The following TYR variants were observed in gnomAD, a reference collection of about 807,000 sequenced individuals.
TYR encodes the protein LB24-AB.
Under a neutral mutation model 51.5 loss-of-function variants are expected in TYR, and 58 were observed. That is an observed-to-expected ratio of 1.13 (90% CI 0.91 to 1.40). The LOEUF (loss-of-function observed/expected upper bound fraction) is 1.40. TYR is among the 40% of genes most tolerant of loss of function. The probability of loss-of-function intolerance (pLI) is 0.00; values close to 1 mark genes in which losing one functional copy is unlikely to be tolerated. For missense variants in TYR, 732 were observed against 647.4 expected, an observed-to-expected ratio of 1.13 and a Z score of -1.42; for synonymous variants, 263 against 235.2, an observed-to-expected ratio of 1.12 and a Z score of -1.08.
chr11:89,254,355 G>A (rs1304924717), intron 3 of TYR, among the ~76,000 whole-genome samples: 1 of 151,558 alleles, frequency 6.6e-6, no homozygotes, highest in Non-Finnish European at 1.5e-5. Context: ...AATGATTTAG[G>A]GAGAATTCAC....
intron 4 of TYR, among the ~76,000 whole-genome samples, chr11:89,286,991 A>G (rs1446499727): frequency 1.3e-5 from 2 of 151,832 alleles, no homozygotes; most frequent in African/African-American, 4.8e-5. Context: ...TAAATATGCT[A>G]TTGTTTCTGC....
chr11:89,250,236 A>G (rs774196800), intron 3 of TYR, among the ~76,000 whole-genome samples: 4 of 152,064 alleles, frequency 2.6e-5, no homozygotes, highest in East Asian at 1.9e-4. Context: ...TCTGCTTGAT[A>G]TTACACAAGG....
chr11:89,267,196 T>C (rs952362081), intron 3 of TYR, among the ~76,000 whole-genome samples: 1 of 151,964 alleles, frequency 6.6e-6, no homozygotes, highest in Non-Finnish European at 1.5e-5. Context: ...GAAAGTATTG[T>C]CTGCTATGAC....
intron 2 of TYR, among the ~76,000 whole-genome samples, chr11:89,197,646 G>C (rs918082254): frequency 1.9e-4 from 29 of 152,084 alleles, no homozygotes; most frequent in Non-Finnish European, 2.5e-4. Flanking sequence ...TGAGCTATTG[G>C]GGGGAGTCAT....
chr11:89,293,427 AT>A (rs1249863275), intron 4 of TYR, among the ~76,000 whole-genome samples: 1 of 151,990 alleles, frequency 6.6e-6, no homozygotes, highest in Admixed American at 6.6e-5. Context: ...GACTATGGAA[AT>A]TTTCCCCGAC....
At chr11:89,249,377 T>G (rs188683604) in intron 3 of TYR, among the ~76,000 whole-genome samples, 1 of 141,354 alleles carries the variant, frequency 7.1e-6, no homozygotes, top group Non-Finnish European at 1.5e-5. Context: ...GATGAGCCGA[T>G]ACAGATGAGT....
intron 3 of TYR, among the ~76,000 whole-genome samples, chr11:89,258,419 T>C (rs1199181719): frequency 2.7e-5 from 4 of 150,790 alleles, no homozygotes. Context: ...ATTACCTATA[T>C]GGCAACATCT....
intron 2 of TYR, among the ~76,000 whole-genome samples, chr11:89,223,943 T>C (rs1943945401): frequency 6.6e-6 from 1 of 151,480 alleles, no homozygotes; most frequent in Non-Finnish European, 1.5e-5. Context: ...TAGGGGCTTT[T>C]CTAGATGCAA....
At chr11:89,228,892 A>AGGCAC (rs1565405445) in intron 3 of TYR, among the ~76,000 whole-genome samples, 3 of 152,132 alleles carry the variant, frequency 2.0e-5, no homozygotes, top group African/African-American at 7.2e-5. Flanking sequence ...GAAAGGAGAA[A>AGGCAC]ATAAAGCATC....
chr11:89,284,656 T>G lies in TYR; in HGVS notation c.1185-117T>G, dbSNP rs1264777950. The G allele has an allele frequency of 3.3e-6, 3 of 906,960 alleles. No homozygotes were observed. The African/African-American group carries it at 5.0e-5, about 15-fold the overall frequency. The allele number at this position is 906,960 out of a possible 1,614,324, so 56.2% of individuals were successfully genotyped here. A position where few individuals can be genotyped will look rare whatever the true frequency, so the allele number is the denominator to read the frequency against. On this transcript the variant is annotated intron_variant, in intron 3 of 4. Coordinates refer to ENST00000263321, the MANE Select transcript of TYR (RefSeq NM_000372.5). ...TATTTTTGAAGTATAAAGAATATAT[T>G]CAACATCTTTCCATGTCTCCAGATT... is the stretch of plus-strand genomic sequence containing the variant.
At position 89,239,874 on chromosome 11, in the gene TYR, A is replaced by T. The variant is rs139843537; in HGVS notation, c.1184+11904A>T. On this transcript the variant is annotated intron_variant, in intron 3 of 4. Coordinates refer to ENST00000263321, the MANE Select transcript of TYR (RefSeq NM_000372.5). ...GAAATTCTTTCTATTGTTGATTTCT[A>T]GTTGCATACCATTTTGGTCAGAAAA... 7.9e-3 allele frequency among the ~76,000 whole-genome samples: 1,197 copies of T among 152,240 alleles called. 8 individuals are homozygous for T. Among genetic ancestry groups the T allele is most frequent in the South Asian group, 0.029 (138 of 4,822 alleles).
intron 4 of TYR, 112 bp from the exon 5 acceptor site, chr11:89,295,031 G>C: frequency 6.6e-7 from 1 of 1,522,608 alleles, no homozygotes; most frequent in Non-Finnish European, 8.9e-7. Context: ...AAGTAGTAGA[G>C]CTGGCCTTCA....
intron 3 of TYR, among the ~76,000 whole-genome samples, chr11:89,235,888 G>T (rs557446017): frequency 6.6e-6 from 1 of 152,100 alleles, no homozygotes; most frequent in African/African-American, 2.4e-5. Flanking sequence ...ATTTTAGCTT[G>T]ATTTAATCAC....
At chr11:89,216,592 G>T (rs1043103858) in intron 2 of TYR, among the ~76,000 whole-genome samples, 1 of 141,020 alleles carries the variant, frequency 7.1e-6, no homozygotes, top group Non-Finnish European at 1.5e-5. Context: ...GGCAGAGGTC[G>T]CAGTGAGCCG....
At chr11:89,236,786 C>T (rs1048000866) in intron 3 of TYR, among the ~76,000 whole-genome samples, 6 of 152,276 alleles carry the variant, frequency 3.9e-5, no homozygotes, top group African/African-American at 1.4e-4. Context: ...CTGATTAGAC[C>T]ATTCCTCAAA....
At chr11:89,264,379 T>G (rs1944499481) in intron 3 of TYR, among the ~76,000 whole-genome samples, 1 of 151,980 alleles carries the variant, frequency 6.6e-6, no homozygotes, top group African/African-American at 2.4e-5. Context: ...AGTATTCTTT[T>G]TTTTTTACCT....
chr11:89,259,934 G>C (rs975374357), intron 3 of TYR, among the ~76,000 whole-genome samples: 4 of 151,958 alleles, frequency 2.6e-5, no homozygotes, highest in Non-Finnish European at 5.9e-5. Flanking sequence ...TTAAGAACCA[G>C]ATTGGTTCTT....
At chr11:89,270,460 T>G (rs1343200889) in intron 3 of TYR, among the ~76,000 whole-genome samples, 1 of 151,852 alleles carries the variant, frequency 6.6e-6, no homozygotes, top group African/African-American at 2.4e-5. Flanking sequence ...AGATTTTAGC[T>G]CTTTGTAAGA....
intron 3 of TYR, among the ~76,000 whole-genome samples, chr11:89,245,549 A>G (rs1175538562): frequency 1.3e-5 from 2 of 152,232 alleles, no homozygotes; most frequent in Non-Finnish European, 2.9e-5. Context: ...TGCAGGAGGC[A>G]TTCCAAGCAA....
Sources: gnomAD v4.1 joint callset for allele counts (sites outside exome capture counted in the v4.1 genomes callset) on GRCh38, gnomAD v4.1.1 for gene constraint, MANE v1.5 for transcripts, NCBI Gene and HGNC (gene_info 2026-07-23, HGNC 2026-07-21) for gene names.